The following MTA3 variants were observed in gnomAD, a reference collection of about 807,000 sequenced individuals.
MTA3 encodes the protein metastasis associated 1 family member 3, also known as metastasis-associated protein MTA3.
MTA3 carries 34 observed loss-of-function variants against 83.5 expected under a neutral mutation model. The observed-to-expected ratio is 0.41, with a 90% CI of 0.31 to 0.54. MTA3 has a LOEUF of 0.54. Ranked by LOEUF, MTA3 falls within the 20% of genes least tolerant of loss-of-function variation. MTA3 has a pLI of 0.33. For missense variants in MTA3, 761 were observed against 726.4 expected (o/e 1.05, Z -0.55); for synonymous variants, 303 against 252.7 (o/e 1.20, Z -1.89).
chr2:42,745,683 G>C (rs2104592760), intron 16 of MTA3, among the ~76,000 whole-genome samples: 1 of 152,162 alleles, frequency 6.6e-6, no homozygotes, highest in East Asian at 1.9e-4. Context: ...ACTGCACCCA[G>C]CTGAGACTTT....
chr2:42,538,224 C>T (rs1676342643), intron 2 of MTA3, among the ~76,000 whole-genome samples: 1 of 151,692 alleles, frequency 6.6e-6, no homozygotes. Flanking sequence ...CACAGCGAGA[C>T]TCTGTCTCGA....
upstream of MTA3, among the ~76,000 whole-genome samples, chr2:42,565,136 A>T (rs1431884249): frequency 6.6e-6 from 1 of 151,932 alleles, no homozygotes; most frequent in Non-Finnish European, 1.5e-5. Context: ...CTACGTTGAG[A>T]CAAAAACCAA....
intron 2 of MTA3, among the ~76,000 whole-genome samples, chr2:42,501,447 A>G (rs563198575): frequency 2.2e-4 from 33 of 152,258 alleles, no homozygotes; most frequent in South Asian, 1.5e-3. Flanking sequence ...TTTGGGAGGC[A>G]TATTCTGATT....
intron 16 of MTA3, among the ~76,000 whole-genome samples, chr2:42,732,584 G>A (rs553318225): frequency 6.6e-6 from 1 of 152,302 alleles, no homozygotes; most frequent in South Asian, 2.1e-4. Context: ...TGGTCTTGGG[G>A]ATTAACATTA....
intron 2 of MTA3, among the ~76,000 whole-genome samples, chr2:42,543,936 C>T (rs1676640212): frequency 6.6e-6 from 1 of 152,002 alleles, no homozygotes; most frequent in Non-Finnish European, 1.5e-5. Flanking sequence ...AGTGGTCCTC[C>T]TGTTAGAGAA....
chr2:42,622,237 C>T (rs1452746571), intron 4 of MTA3, among the ~76,000 whole-genome samples: 2 of 152,094 alleles, frequency 1.3e-5, no homozygotes, highest in East Asian at 3.9e-4. Flanking sequence ...ACCCCGTCTC[C>T]ACCAAAAAAA....
intron 8 of MTA3, among the ~76,000 whole-genome samples, chr2:42,666,208 C>A (rs1071843): frequency 6.6e-6 from 1 of 152,032 alleles, no homozygotes; most frequent in Admixed American, 6.6e-5. Context: ...ACCCGGGAGG[C>A]GGAGGTTGCA....
At chr2:42,567,573 T>C (rs192527618), upstream of MTA3, among the ~76,000 whole-genome samples, 4 of 152,134 alleles carry the variant, frequency 2.6e-5, no homozygotes, top group East Asian at 7.7e-4. Context: ...TGGGAGTACT[T>C]TGGAATGGAC....
chr2:42,499,652 G>C (rs1674305706), intron 2 of MTA3, among the ~76,000 whole-genome samples: 1 of 151,400 alleles, frequency 6.6e-6, no homozygotes, highest in South Asian at 2.1e-4. Context: ...AGCCGGGGTG[G>C]TGATGCATGC....
At chr2:42,728,674 A>G (rs1043387875) in intron 16 of MTA3, among the ~76,000 whole-genome samples, 7 of 152,120 alleles carry the variant, frequency 4.6e-5, no homozygotes, top group African/African-American at 1.4e-4. Context: ...ATGATACCTC[A>G]TTGTAGTTTT....
At chr2:42,622,467 C>T (rs7573457) in intron 4 of MTA3, among the ~76,000 whole-genome samples, 113,712 of 151,004 alleles carry the variant, frequency 0.75, 43,170 homozygotes, top group South Asian at 0.88. Context: ...ATATTTGTTT[C>T]GGGAAATAGT....
At chr2:42,507,590 T>C (rs1674691961) in intron 2 of MTA3, among the ~76,000 whole-genome samples, 1 of 151,614 alleles carries the variant, frequency 6.6e-6, no homozygotes. Flanking sequence ...CCTTTCATCT[T>C]TTTTTTTAAC....
intron 8 of MTA3, among the ~76,000 whole-genome samples, chr2:42,679,131 C>A (rs987896412): frequency 1.3e-5 from 2 of 152,104 alleles, no homozygotes; most frequent in African/African-American, 4.8e-5. Context: ...CACCCAACTT[C>A]CCCTCATACT....
At chr2:42,555,249 G>A (rs1292874152) in intron 2 of MTA3, among the ~76,000 whole-genome samples, 1 of 151,254 alleles carries the variant, frequency 6.6e-6, no homozygotes, top group Non-Finnish European at 1.5e-5. Context: ...GATTAACTGA[G>A]GTCGGGAGTT....
At chr2:42,556,856 C>G (rs1241878673) in intron 2 of MTA3, among the ~76,000 whole-genome samples, 1 of 152,130 alleles carries the variant, frequency 6.6e-6, no homozygotes, top group South Asian at 2.1e-4. Context: ...CTTCAGGGCC[C>G]GTTAGAAAAG....
intron 4 of MTA3, among the ~76,000 whole-genome samples, chr2:42,633,364 A>G (rs913382205): frequency 6.6e-6 from 1 of 151,600 alleles, no homozygotes; most frequent in Non-Finnish European, 1.5e-5. Flanking sequence ...GGATCGCTTG[A>G]TCCTAGGAGT....
chr2:42,628,671 C>T lies in MTA3; in HGVS notation c.318-11502C>T, dbSNP rs184715433. On this transcript the variant is annotated intron_variant, in intron 4 of 16. Coordinates refer to ENST00000405094, the MANE Select transcript of MTA3 (RefSeq NM_001330442.2). ...CATTGAGATGCTGTAAAACTTCTTT[C>T]AGTTAGCTCACTGAATAAAAATACC... Among the ~76,000 whole-genome samples, 7 of 152,174 alleles carry T rather than the reference C, an allele frequency of 4.6e-5. No individual in the cohort carries two copies. The East Asian group carries it at 1.2e-3, about 25-fold the overall frequency.
chr2:42,536,052 C>T (rs377146735), intron 2 of MTA3, among the ~76,000 whole-genome samples: 1 of 151,168 alleles, frequency 6.6e-6, no homozygotes, highest in Non-Finnish European at 1.5e-5. Flanking sequence ...TCTGGGAGTT[C>T]GAGGCTGCAG....
At chr2:42,723,487 A>G (rs1436978672) in intron 16 of MTA3, among the ~76,000 whole-genome samples, 1 of 152,218 alleles carries the variant, frequency 6.6e-6, no homozygotes, top group Admixed American at 6.5e-5. Flanking sequence ...TAATTGCTCA[A>G]GAGTGCTACA....
Sources: gnomAD v4.1 joint callset for allele counts (sites outside exome capture counted in the v4.1 genomes callset) on GRCh38, gnomAD v4.1.1 for gene constraint, MANE v1.5 for transcripts, NCBI Gene and HGNC (gene_info 2026-07-23, HGNC 2026-07-21) for gene names.